The following RNF128 variants were observed in gnomAD, a reference collection of about 807,000 sequenced individuals.
RNF128 encodes E3 ubiquitin-protein ligase RNF128.
A neutral mutation model predicts 26.2 loss-of-function variants in RNF128; 13 were observed. The observed-to-expected ratio is 0.50, with a 90% CI of 0.32 to 0.79. The LOEUF (loss-of-function observed/expected upper bound fraction) is 0.79, where lower values mean the gene tolerates loss of function less well. Ranked by LOEUF, RNF128 falls within the 30% of genes least tolerant of loss-of-function variation. The pLI is 0.03. For synonymous variants in RNF128, 149 were observed against 142.5 expected, an observed-to-expected ratio of 1.05 and a Z score of -0.32; for missense variants, 315 against 349.7, an observed-to-expected ratio of 0.90 and a Z score of 0.79.
At chrX:106,763,552 G>C (rs1370964872) in intron 1 of RNF128, among the ~76,000 whole-genome samples, 3 of 112,886 alleles carry the variant, frequency 2.7e-5, no homozygotes, top group Non-Finnish European at 3.7e-5. Context: ...TGTCGTCCAG[G>C]CTGGAGTGCA....
chrX:106,723,295 G>A (rs932861775), upstream of RNF128, among the ~76,000 whole-genome samples: 5 of 111,493 alleles, frequency 4.5e-5, no homozygotes, highest in Non-Finnish European at 9.4e-5. Flanking sequence ...CTGGCCTGGC[G>A]CGGTGGCTCA....
rs150460553 is a variant in RNF128 at position 106,694,140 on chromosome X, A to G, written c.138A>G (p.Ile46Met). The G allele has an allele frequency of 3.7e-4, 452 of 1,209,210 alleles. 3 individuals are homozygous for G. In the African/African-American group the frequency reaches 7.2e-3, roughly 19 times the overall value. Residue 46 changes from isoleucine (I) to methionine (M), a missense_variant, in exon 1 of 7, where the codon ATA (isoleucine) becomes ATG (methionine). Ile to Met is a conservative substitution (Grantham distance 10). Transcript: ENST00000324342. ...ATGAAACCAGCAACTACACTGCAAT[A>G]GAGACATGTGAATGTGGCGTTTATG...
chrX:106,701,845 A>C (rs1286276528), intron 1 of RNF128, among the ~76,000 whole-genome samples: 1 of 111,678 alleles, frequency 9.0e-6, no homozygotes, highest in Admixed American at 9.5e-5. Flanking sequence ...GGCAAAAAAG[A>C]CAGGTTTCTA....
At chrX:106,770,087 A>T (rs1173774412) in intron 1 of RNF128, among the ~76,000 whole-genome samples, 1 of 111,786 alleles carries the variant, frequency 8.9e-6, no homozygotes, top group African/African-American at 3.3e-5. Flanking sequence ...CTCTCTTCTG[A>T]TTTGTAGAGT....
chrX:106,697,613 A>G (rs1352319923), intron 1 of RNF128, among the ~76,000 whole-genome samples: 1 of 111,668 alleles, frequency 9.0e-6, no homozygotes, highest in African/African-American at 3.3e-5. Flanking sequence ...AAGGGACCTG[A>G]TAAGTCTAAG....
intron 1 of RNF128, chrX:106,694,552 CTTT>C (rs1317547003): frequency 6.0e-6 from 2 of 333,225 alleles, no homozygotes; most frequent in Admixed American, 1.2e-4. Flanking sequence ...CTTGTAATTA[CTTT>C]ATTATTATTT....
At chrX:106,696,229 T>C (rs923011387) in intron 1 of RNF128, among the ~76,000 whole-genome samples, 16 of 112,023 alleles carry the variant, frequency 1.4e-4, no homozygotes, top group East Asian at 2.8e-4. Context: ...GGCACTGTTA[T>C]AGTGTGTTTA....
intron 5 of RNF128, among the ~76,000 whole-genome samples, chrX:106,790,583 C>A (rs923981674): frequency 9.1e-6 from 1 of 110,292 alleles, no homozygotes; most frequent in East Asian, 2.8e-4. Context: ...GCATAGTGAC[C>A]AAACTTGTAG....
At chrX:106,767,278 G>A (rs1930269010) in intron 1 of RNF128, among the ~76,000 whole-genome samples, 1 of 111,578 alleles carries the variant, frequency 9.0e-6, no homozygotes, top group Non-Finnish European at 1.9e-5. Context: ...GATGGGGATG[G>A]CATTGAATCT....
At chrX:106,788,393 ATAT>A (rs1747028532) in intron 4 of RNF128, among the ~76,000 whole-genome samples, 1 of 43,225 alleles carries the variant, frequency 2.3e-5, no homozygotes, top group Non-Finnish European at 3.4e-5. Flanking sequence ...TATATAATAT[ATAT>A]TATATATAAT....
chrX:106,741,318 C>A (rs955273563), intron 1 of RNF128, among the ~76,000 whole-genome samples: 2 of 111,475 alleles, frequency 1.8e-5, no homozygotes, highest in African/African-American at 6.5e-5. Flanking sequence ...ACCATCCAAG[C>A]CATCAGCCTA....
In RNF128 at chrX:106,738,226, C is replaced by G. The variant is rs145213997; in HGVS notation, c.484+10829C>G. On this transcript the variant is annotated intron_variant, in intron 1 of 6. Transcript: ENST00000255499. The stretch of plus-strand genomic sequence containing the variant: ...ATGTGATCTTGGGCAAGTTGTTAAC[C>G]TAGACCTTATTTATCTTGTTCATCA... 4.3e-3 allele frequency among the ~76,000 whole-genome samples: 483 copies of G among 111,150 alleles called. 1 individual carries two copies. Among genetic ancestry groups the G allele is most frequent in the African/African-American group, 0.014 (438 of 30,641 alleles).
intron 1 of RNF128, among the ~76,000 whole-genome samples, chrX:106,738,383 C>T (rs1362898599): frequency 1.8e-5 from 2 of 111,642 alleles, no homozygotes; most frequent in Non-Finnish European, 3.8e-5. Flanking sequence ...CATAATACTT[C>T]TCCATTGGTT....
chrX:106,760,046 A>G (rs1930092858), intron 1 of RNF128, among the ~76,000 whole-genome samples: 1 of 111,614 alleles, frequency 9.0e-6, no homozygotes, highest in African/African-American at 3.2e-5. Flanking sequence ...ATCTCATGTA[A>G]CCTAGAAATA....
intron 1 of RNF128, among the ~76,000 whole-genome samples, chrX:106,711,531 G>GAAAAAA (rs1929126334): frequency 9.0e-6 from 1 of 111,660 alleles, no homozygotes; most frequent in Admixed American, 9.5e-5. Context: ...CATAGTTAGA[G>GAAAAAA]TGCAATTCCT....
intron 1 of RNF128, among the ~76,000 whole-genome samples, chrX:106,758,432 T>G (rs1462143453): frequency 9.0e-6 from 1 of 111,242 alleles, no homozygotes; most frequent in African/African-American, 3.3e-5. Context: ...GAAAAAATAA[T>G]TATAGAATTT....
intron 1 of RNF128, among the ~76,000 whole-genome samples, chrX:106,699,816 C>T (rs949925690): frequency 3.6e-5 from 4 of 111,023 alleles, no homozygotes; most frequent in Non-Finnish European, 7.5e-5. Flanking sequence ...GCTTTTCCTG[C>T]GTGGGACACT....
rs1265522719 is a variant in RNF128, at chrX:106,762,592, G to T, written c.485-10321G>T. The stretch of plus-strand genomic sequence containing the variant: ...GCCTCCCAAAGTGCTGGGATTACAG[G>T]TGTGAGCCACCAAGCCCAGTCTTGA... On this transcript the variant is annotated intron_variant, in intron 1 of 6. Coordinates refer to ENST00000255499, the MANE Select transcript of RNF128 (RefSeq NM_194463.2). Among the ~76,000 whole-genome samples, 3 of 111,134 alleles carry T rather than the reference G, an allele frequency of 2.7e-5. No individual in the cohort carries two copies. In the Admixed American group the frequency reaches 2.9e-4, roughly 11 times the overall value.
At chrX:106,765,301 A>C (rs1930198438) in intron 1 of RNF128, among the ~76,000 whole-genome samples, 1 of 112,249 alleles carries the variant, frequency 8.9e-6, no homozygotes, top group Non-Finnish European at 1.9e-5. Flanking sequence ...ATACTATGAG[A>C]TATTTCTTTT....
Sources: gnomAD v4.1 joint callset for allele counts (sites outside exome capture counted in the v4.1 genomes callset) on GRCh38, gnomAD v4.1.1 for gene constraint, MANE v1.5 for transcripts, NCBI Gene and HGNC (gene_info 2026-07-23, HGNC 2026-07-21) for gene names.